RALGPS2: variants seen among roughly 807,000 people sequenced by gnomAD.
RALGPS2 encodes the protein Ral GEF with PH domain and SH3 binding motif 2.
Under a neutral mutation model 86.8 loss-of-function variants are expected in RALGPS2, and 43 were observed. The ratio of observed to expected loss-of-function variants is 0.50; its 90% CI spans 0.39 to 0.64. RALGPS2 has a LOEUF of 0.64. Among genes scored for constraint, RALGPS2 ranks in the 30% least tolerant of loss-of-function variants. The probability of loss-of-function intolerance (pLI) is 0.00; values close to 1 mark genes in which losing one functional copy is unlikely to be tolerated. For missense variants in RALGPS2, 536 were observed against 694.6 expected, an observed-to-expected ratio of 0.77 and a Z score of 2.57; for synonymous variants, 243 against 231.3, an observed-to-expected ratio of 1.05 and a Z score of -0.46.
chr1:178,836,379 T>C (rs575391053), intron 8 of RALGPS2, among the ~76,000 whole-genome samples: 20 of 152,342 alleles, frequency 1.3e-4, no homozygotes, highest in Admixed American at 3.3e-4. Flanking sequence ...AATGACTCCT[T>C]CTTTTTTTCA....
chr1:178,763,193 G>T (rs1231724525), intron 1 of RALGPS2, among the ~76,000 whole-genome samples: 1 of 152,026 alleles, frequency 6.6e-6, no homozygotes, highest in Non-Finnish European at 1.5e-5. Flanking sequence ...ATTCTGTTCC[G>T]TTGGTTTGTG....
intron 2 of RALGPS2, among the ~76,000 whole-genome samples, chr1:178,780,940 TTA>T: frequency 6.6e-6 from 1 of 152,138 alleles, no homozygotes; most frequent in Non-Finnish European, 1.5e-5. Flanking sequence ...AACCATAAGA[TTA>T]TGTTTATATA....
At chr1:178,892,362 G>C (rs1659753659) in intron 15 of RALGPS2, 55 bp downstream of exon 15, 2 of 1,430,246 alleles carry the variant, frequency 1.4e-6, no homozygotes, top group Non-Finnish European at 2.0e-6. Context: ...GTTGGTGATT[G>C]GCTTACATGG....
chr1:178,725,601 G>A (rs1649930224), intron 1 of RALGPS2, 182 bp downstream of exon 1: 1 of 152,040 alleles, frequency 6.6e-6, no homozygotes, highest in African/African-American at 2.4e-5. Context: ...TGGGGCTGAG[G>A]CTGAGGGAGA....
At chr1:178,824,377 G>A (rs936856583) in intron 7 of RALGPS2, among the ~76,000 whole-genome samples, 1 of 152,080 alleles carries the variant, frequency 6.6e-6, no homozygotes, top group African/African-American at 2.4e-5. Context: ...TGGCATCAAT[G>A]GCAATATGTT....
At chr1:178,865,592 C>T (rs768396369) in intron 8 of RALGPS2, 4 of 1,613,898 alleles carry the variant, frequency 2.5e-6, no homozygotes, top group Non-Finnish European at 2.5e-6. Flanking sequence ...ACAGATTGGC[C>T]CTGTTATTCT....
At chr1:178,904,718 A>G (rs1218977869) in intron 18 of RALGPS2, among the ~76,000 whole-genome samples, 3 of 152,266 alleles carry the variant, frequency 2.0e-5, no homozygotes, top group East Asian at 1.9e-4. Context: ...GCCTATTTTC[A>G]TAGCAGTACC....
At chr1:178,840,209 CA>C (rs1280393048) in intron 8 of RALGPS2, among the ~76,000 whole-genome samples, 2 of 152,204 alleles carry the variant, frequency 1.3e-5, no homozygotes, top group Admixed American at 6.5e-5. Context: ...TTCTTCTCAG[CA>C]CCATGTTGCA....
chr1:178,767,539 G>GGGGCT (rs1652571351), intron 1 of RALGPS2, among the ~76,000 whole-genome samples: 1 of 152,026 alleles, frequency 6.6e-6, no homozygotes, highest in Non-Finnish European at 1.5e-5. Flanking sequence ...TCTGATCCAT[G>GGGGCT]GGGCTCCCTC....
intron 5 of RALGPS2, among the ~76,000 whole-genome samples, chr1:178,808,350 TTC>T (rs1365908228): frequency 6.6e-6 from 1 of 152,164 alleles, no homozygotes; most frequent in Non-Finnish European, 1.5e-5. Flanking sequence ...CTTACATATT[TTC>T]TCTCTGTTTT....
At chr1:178,883,812 C>T (rs922859222) in intron 11 of RALGPS2, among the ~76,000 whole-genome samples, 28 of 152,100 alleles carry the variant, frequency 1.8e-4, no homozygotes, top group Middle Eastern at 3.4e-3. Flanking sequence ...AGTGAAACCC[C>T]GTCTCTGCTA....
intron 9 of RALGPS2, 46 bp from the exon 10 acceptor site, chr1:178,878,856 G>T (rs1395963294): frequency 6.9e-6 from 11 of 1,593,980 alleles, no homozygotes; most frequent in Non-Finnish European, 8.5e-6. Flanking sequence ...TAAAGTTCTG[G>T]TTAAGATGTA....
At chr1:178,813,280 G>A (rs1404003661) in intron 6 of RALGPS2, among the ~76,000 whole-genome samples, 1 of 152,086 alleles carries the variant, frequency 6.6e-6, no homozygotes, top group Non-Finnish European at 1.5e-5. Context: ...CATGGATTCT[G>A]CATTATTATT....
intron 2 of RALGPS2, among the ~76,000 whole-genome samples, chr1:178,782,009 C>T (rs1441107129): frequency 6.6e-6 from 1 of 152,116 alleles, no homozygotes; most frequent in African/African-American, 2.4e-5. Flanking sequence ...ATTCATCACT[C>T]CTGTCCTCAC....
intron 8 of RALGPS2, among the ~76,000 whole-genome samples, chr1:178,839,289 G>T (rs553700280): frequency 6.6e-6 from 1 of 152,350 alleles, no homozygotes; most frequent in East Asian, 1.9e-4. Flanking sequence ...TCAAAGGGAA[G>T]CCCATCAAAC....
At chr1:178,859,830 C>CA (rs563978499) in intron 8 of RALGPS2, among the ~76,000 whole-genome samples, 1 of 98,458 alleles carries the variant, frequency 1.0e-5, no homozygotes, top group African/African-American at 3.6e-5. Flanking sequence ...GCCCCCCCCC[C>CA]CCCAACCGCC....
At chr1:178,774,372 A>ATATTTAAGTAATATTTAAGTAATATTT (rs1446739548) in intron 1 of RALGPS2, among the ~76,000 whole-genome samples, 2 of 152,198 alleles carry the variant, frequency 1.3e-5, no homozygotes, top group Non-Finnish European at 2.9e-5. Context: ...TTTTTAAGTA[A>ATATTTAAGTAATATTTAAGTAATATTT]AAGTAATAAA....
In RALGPS2 at chr1:178,885,272, G is replaced by C; in HGVS notation, c.1040+61G>C. On this transcript the variant is annotated intron_variant, in intron 12 of 19. Transcript: ENST00000367635. ...GTCTTTTGTAATTGGATTTATTGTC[G>C]ATTTATTAGTTCAGTAGAAAATGGT... The C allele has an allele frequency of 2.0e-6, 3 of 1,495,812 alleles. No homozygotes were observed. The East Asian group carries it at 7.0e-5, about 35-fold the overall frequency. 92.7% of individuals were successfully genotyped at this position (1,495,812 alleles called of 1,614,324 possible).
Position 178,831,426 on chromosome 1 carries a change from G to A in RALGPS2, c.481-1998G>A, listed in dbSNP as rs111672800. Among the ~76,000 whole-genome samples, 569 of 152,178 alleles carry A rather than the reference G, an allele frequency of 3.7e-3. 5 individuals are homozygous for A. The highest frequency in any genetic ancestry group is 0.013 in the African/African-American group (543 of 41,522). ...GTTTCCTGGGGTGACTGACATGAGC[G>A]GGCATTCATCTAGGTTTTCCCCCAA... On this transcript the variant is annotated intron_variant, in intron 7 of 19. Transcript: ENST00000367635.
Sources: gnomAD v4.1 joint callset for allele counts (sites outside exome capture counted in the v4.1 genomes callset) on GRCh38, gnomAD v4.1.1 for gene constraint, MANE v1.5 for transcripts, NCBI Gene and HGNC (gene_info 2026-07-23, HGNC 2026-07-21) for gene names.